Variants in TAF1B observed in about 807,000 individuals in gnomAD.
The protein encoded by TAF1B is TATA-box binding protein associated factor, RNA polymerase I subunit B.
In TAF1B, 61 loss-of-function variants were observed where a neutral mutation model predicts 83.9. The ratio of observed to expected loss-of-function variants is 0.73; its 90% CI spans 0.59 to 0.90. The LOEUF (loss-of-function observed/expected upper bound fraction) is 0.90. Among genes scored for constraint, TAF1B ranks in the 40% least tolerant of loss-of-function variants. The pLI is 0.00. For synonymous variants in TAF1B, 221 were observed against 224.6 expected, an observed-to-expected ratio of 0.98 and a Z score of 0.14; for missense variants, 625 against 677.0, an observed-to-expected ratio of 0.92 and a Z score of 0.85.
chr2:9,879,029 C>A (rs1189050532), intron 7 of TAF1B, among the ~76,000 whole-genome samples: 3 of 152,160 alleles, frequency 2.0e-5, no homozygotes, highest in African/African-American at 7.2e-5. Context: ...GTGTGAATAT[C>A]AGGAGTACAA....
At chr2:9,893,471 C>T (rs893858746) in intron 8 of TAF1B, among the ~76,000 whole-genome samples, 1 of 152,172 alleles carries the variant, frequency 6.6e-6, no homozygotes, top group African/African-American at 2.4e-5. Flanking sequence ...TATGAAAATT[C>T]ATGAACTGCA....
At chr2:9,872,939 C>T (rs1664213027) in intron 6 of TAF1B, among the ~76,000 whole-genome samples, 1 of 152,184 alleles carries the variant, frequency 6.6e-6, no homozygotes, top group African/African-American at 2.4e-5. Flanking sequence ...AACCACTGAT[C>T]TTAAAGTTCT....
At chr2:9,913,107 T>G (rs1040398746) in intron 11 of TAF1B, 52 bp from the exon 12 acceptor site, 83 of 1,424,236 alleles carry the variant, frequency 5.8e-5, no homozygotes, top group Non-Finnish European at 6.9e-5. Context: ...ACAATGTATA[T>G]TATTATAGTG....
intron 5 of TAF1B, among the ~76,000 whole-genome samples, chr2:9,855,547 G>A (rs1663537802): frequency 6.6e-6 from 1 of 152,084 alleles, no homozygotes; most frequent in South Asian, 2.1e-4. Context: ...TGGGCATGGT[G>A]ACACATGCCC....
chr2:9,843,582 G>C, intron 1 of TAF1B, 23 bp downstream of exon 1: 2 of 1,507,488 alleles, frequency 1.3e-6, no homozygotes, highest in Admixed American at 4.3e-5. Context: ...TGCACCTGGC[G>C]GGCCACGATC....
intron 8 of TAF1B, among the ~76,000 whole-genome samples, chr2:9,898,543 G>C (rs903567694): frequency 6.6e-6 from 1 of 152,084 alleles, no homozygotes; most frequent in Non-Finnish European, 1.5e-5. Flanking sequence ...TTGAGAAACT[G>C]GTCTGTGAGT....
chr2:9,923,761 G>A (rs969581699), intron 14 of TAF1B, among the ~76,000 whole-genome samples: 3 of 152,166 alleles, frequency 2.0e-5, no homozygotes, highest in African/African-American at 7.2e-5. Flanking sequence ...CAGGGTCAGC[G>A]CCATGTCTGA....
chr2:9,919,134 A>C (rs1665791602), intron 13 of TAF1B, 23 bp downstream of exon 13: 1 of 1,583,596 alleles, frequency 6.3e-7, no homozygotes, highest in Admixed American at 1.7e-5. Flanking sequence ...TTGTCTTTTT[A>C]ATACCAAGTA....
At chr2:9,866,205 T>C (rs287974) in intron 5 of TAF1B, among the ~76,000 whole-genome samples, 30,735 of 151,626 alleles carry the variant, frequency 0.2, 3,944 homozygotes, top group Non-Finnish European at 0.29. Flanking sequence ...AGGGCTAATA[T>C]CCAGAATCTA....
At chr2:9,896,869 A>G (rs1339877939) in intron 8 of TAF1B, among the ~76,000 whole-genome samples, 3 of 152,212 alleles carry the variant, frequency 2.0e-5, no homozygotes, top group African/African-American at 7.2e-5. Flanking sequence ...AGAGCAGAGC[A>G]GAGCTCAGGA....
chr2:9,919,246 A>G, intron 13 of TAF1B, 135 bp downstream of exon 13: 1 of 700,074 alleles, frequency 1.4e-6, no homozygotes, highest in Non-Finnish European at 2.4e-6. Context: ...TGTACATCCA[A>G]AGGAGCATCA....
At chr2:9,858,504 G>A (rs186421479) in intron 5 of TAF1B, among the ~76,000 whole-genome samples, 1 of 152,366 alleles carries the variant, frequency 6.6e-6, no homozygotes, top group East Asian at 1.9e-4. Context: ...CCACTAGGCA[G>A]TGCTCCAGTG....
chr2:9,871,732 T>C (rs1422281505), intron 6 of TAF1B, among the ~76,000 whole-genome samples: 1 of 152,182 alleles, frequency 6.6e-6, no homozygotes, highest in Non-Finnish European at 1.5e-5. Flanking sequence ...CTTTAAATCT[T>C]TTCCCCCCGA....
chr2:9,923,781 T>C (rs2125182230), intron 14 of TAF1B, among the ~76,000 whole-genome samples: 2 of 152,332 alleles, frequency 1.3e-5, no homozygotes, highest in East Asian at 3.9e-4. Flanking sequence ...AGGTAATCGA[T>C]TCCTTTGCAT....
At chr2:9,848,535 G>A (rs541706965) in intron 2 of TAF1B, among the ~76,000 whole-genome samples, 15 of 152,216 alleles carry the variant, frequency 9.9e-5, no homozygotes, top group African/African-American at 1.9e-4. Flanking sequence ...GCGTGATGGC[G>A]CATGCCTTTA....
At chr2:9,859,058 TG>T (rs778929636) in intron 5 of TAF1B, among the ~76,000 whole-genome samples, 1 of 152,254 alleles carries the variant, frequency 6.6e-6, no homozygotes, top group Non-Finnish European at 1.5e-5. Context: ...GTCGTCCTGC[TG>T]GAAATATTCC....
chr2:9,910,145 A>C (rs4669491), intron 9 of TAF1B, among the ~76,000 whole-genome samples: 6 of 152,038 alleles, frequency 3.9e-5, no homozygotes, highest in Non-Finnish European at 8.8e-5. Flanking sequence ...AACCCATTTT[A>C]CAAGTGAAGA....
At chr2:9,879,175 A>G (rs1319788127) in intron 7 of TAF1B, among the ~76,000 whole-genome samples, 2 of 152,238 alleles carry the variant, frequency 1.3e-5, no homozygotes, top group Non-Finnish European at 1.5e-5. Context: ...TAAGTTAGGC[A>G]TAGTAAGAGA....
chr2:9,880,426 C>CTTT (rs6146620), intron 7 of TAF1B, among the ~76,000 whole-genome samples: 951 of 74,840 alleles, frequency 0.013, 28 homozygotes, highest in African/African-American at 0.026. Context: ...GAGTAAGCAG[C>CTTT]TTTTTTTTTT....
Sources: gnomAD v4.1 joint callset for allele counts (sites outside exome capture counted in the v4.1 genomes callset) on GRCh38, gnomAD v4.1.1 for gene constraint, MANE v1.5 for transcripts, NCBI Gene and HGNC (gene_info 2026-07-23, HGNC 2026-07-21) for gene names.